The following C2CD5 variants were observed in gnomAD, a reference collection of about 807,000 sequenced individuals.
The protein encoded by C2CD5 is C2 calcium dependent domain containing 5.
C2CD5 carries 109 observed loss-of-function variants against 130.3 expected under a neutral mutation model. That is an observed-to-expected ratio of 0.84 (90% CI 0.72 to 0.98). The LOEUF is 0.98. C2CD5 is among the 50% of genes least tolerant of loss of function. C2CD5 has a pLI of 0.00. For synonymous variants in C2CD5, 454 were observed against 429.2 expected (o/e 1.06, Z -0.71); for missense variants, 996 against 1,261.8 (o/e 0.79, Z 3.19).
At chr12:22,472,691 A>G in intron 17 of C2CD5, 53 bp downstream of exon 17, 1 of 992,716 alleles carries the variant, frequency 1.0e-6, no homozygotes, top group Admixed American at 1.7e-5. Flanking sequence ...ATTATGAGCT[A>G]AAACATTTAT....
At chr12:22,505,684 C>T (rs564580244) in intron 10 of C2CD5, among the ~76,000 whole-genome samples, 7 of 152,046 alleles carry the variant, frequency 4.6e-5, no homozygotes, top group South Asian at 2.1e-4. Flanking sequence ...TTATTTTAGA[C>T]GTAGAAAAAT....
chr12:22,459,006 A>G (rs1165779470), intron 23 of C2CD5: 1 of 156,714 alleles, frequency 6.4e-6, no homozygotes, highest in Admixed American at 6.5e-5. Flanking sequence ...AATTTTAAAA[A>G]AAGAGAATCA....
chr12:22,462,269 T>C (rs940325850), intron 22 of C2CD5, among the ~76,000 whole-genome samples: 7 of 152,252 alleles, frequency 4.6e-5, no homozygotes, highest in Non-Finnish European at 8.8e-5. Flanking sequence ...TAGATCTATA[T>C]GGAAGAGTCT....
rs139774626 is a variant in C2CD5 at position 22,473,285 on chromosome 12, A to C, written c.2044-478T>G. On this transcript the variant is annotated intron_variant, in intron 16 of 26. Transcript: ENST00000446597. ...TACATCACCATATTCCACTGTGAAT[A>C]ATAAATAGGGAAACTATCCAGCTGG... 1.1e-3 allele frequency among the ~76,000 whole-genome samples: 164 copies of C among 152,278 alleles called. 1 individual carries two copies. Among genetic ancestry groups the C allele is most frequent in the African/African-American group, 3.6e-3 (150 of 41,568 alleles).
At chr12:22,540,968 A>G (rs1952316946) in intron 2 of C2CD5, among the ~76,000 whole-genome samples, 1 of 152,248 alleles carries the variant, frequency 6.6e-6, no homozygotes, top group Non-Finnish European at 1.5e-5. Flanking sequence ...ATATCATGCC[A>G]GGATAGAAAG....
chr12:22,503,753 C>A lies in C2CD5; in HGVS notation c.1147+2958G>T, dbSNP rs1948112912. 2.6e-5 allele frequency among the ~76,000 whole-genome samples: 4 copies of A among 152,198 alleles called. 1 individual carries two copies. In the South Asian group the frequency reaches 8.3e-4, roughly 31 times the overall value. On this transcript the variant is annotated intron_variant, in intron 10 of 26. Coordinates refer to ENST00000446597, the MANE Select transcript of C2CD5 (RefSeq NM_001286176.2). ...TCTCAAACCCCTGAGCTCATGCGATCTGCCCGCCTTGGCCTCCCAAAATGT... is the reference window on the plus strand; with the variant it reads ...TCTCAAACCCCTGAGCTCATGCGATATGCCCGCCTTGGCCTCCCAAAATGT...
chr12:22,453,909 G>C lies in C2CD5; in HGVS notation c.3011C>G (p.Pro1004Arg). ...ACTGCATCTTACCTGGTTTTTATTT[G>C]GATTCTCCATGAAGACACACTGCTT... Reference protein sequence around the residue: ...IMKQCVFMENPNKNQAQCLIN... With the variant: ...IMKQCVFMENRNKNQAQCLIN... The change falls in exon 26 of 27, where the codon CCA becomes CGA. Residue 1004 changes from proline to arginine, a missense_variant. This residue lies in a region of C2CD5 where 51 missense variants were observed against 99.5 expected (regional missense o/e 0.51). Transcript: ENST00000446597. 1 of 1,610,232 alleles carries C rather than the reference G, an allele frequency of 6.2e-7. No individual in the cohort carries two copies. The highest frequency in any genetic ancestry group is 1.1e-5 in the South Asian group (1 of 90,112).
intron 3 of C2CD5, among the ~76,000 whole-genome samples, chr12:22,532,311 C>T (rs577484392): frequency 4.0e-5 from 6 of 148,354 alleles, no homozygotes; most frequent in East Asian, 3.9e-4. Context: ...GCCTGGGCAA[C>T]GGGAGTGAAA....
intron 25 of C2CD5, among the ~76,000 whole-genome samples, chr12:22,454,634 T>C (rs1939448697): frequency 6.6e-6 from 1 of 151,792 alleles, no homozygotes; most frequent in Non-Finnish European, 1.5e-5. Flanking sequence ...TATAATGTCT[T>C]CCGAGATACC....
intron 10 of C2CD5, among the ~76,000 whole-genome samples, chr12:22,503,709 AC>A (rs1254995526): frequency 6.6e-6 from 1 of 152,078 alleles, no homozygotes; most frequent in Non-Finnish European, 1.5e-5. Flanking sequence ...AGAGGGTTTC[AC>A]CATGCTGCCC....
At position 22,471,471 on chromosome 12, in the gene C2CD5, T is replaced by A. The variant is rs770300669; in HGVS notation, c.2286A>T (p.Leu762=). ...AAAGGCAGCAGGGGATCATAGATCG[T>A]AGTTTAAAGTACAGGCTCTACACAA... ...ENLLKSLYFK[L]RSMIPCCLCH... The change falls in exon 20 of 27, where the codon CTA becomes CTT. Residue 762 remains leucine, a synonymous_variant. Coordinates refer to ENST00000446597, the MANE Select transcript of C2CD5 (RefSeq NM_001286176.2). 10 of 1,594,328 alleles carry A rather than the reference T, an allele frequency of 6.3e-6. No homozygotes were observed. Among genetic ancestry groups the A allele is most frequent in the Admixed American group, 5.0e-5 (3 of 59,806 alleles).
chr12:22,482,243 T>C (rs1018104821), intron 14 of C2CD5, among the ~76,000 whole-genome samples: 2 of 152,172 alleles, frequency 1.3e-5, no homozygotes, highest in Non-Finnish European at 2.9e-5. Context: ...CCTGCCCTAG[T>C]ACTGAGATGG....
chr12:22,526,901 C>A (rs570199565), intron 4 of C2CD5, among the ~76,000 whole-genome samples: 39 of 152,270 alleles, frequency 2.6e-4, no homozygotes, highest in African/African-American at 9.4e-4. Flanking sequence ...GAAAGCAAAT[C>A]CCAGCACTCT....
intron 23 of C2CD5, 75 bp downstream of exon 23, chr12:22,459,417 T>C (rs1940650687): frequency 1.1e-6 from 1 of 932,084 alleles, no homozygotes; most frequent in Non-Finnish European, 1.7e-6. Context: ...TTTTCTTCAA[T>C]GTCTATAATT....
chr12:22,501,707 G>A (rs1019509636), intron 10 of C2CD5, among the ~76,000 whole-genome samples: 2 of 151,930 alleles, frequency 1.3e-5, no homozygotes, highest in South Asian at 4.1e-4. Flanking sequence ...TGTAAATGTT[G>A]GACTTATCAT....
At position 22,513,323 on chromosome 12, in the gene C2CD5, G is replaced by T; in HGVS notation, c.1009C>A (p.Gln337Lys). ...TGTTCCAACGCTGATTGAGTCTGTT[G>T]TCTTAAAAGAGCTTTAAAGGGCCCC... ...EGGPFKALLRQQTQSALEQRE... is the reference protein window; with the variant it reads ...EGGPFKALLRKQTQSALEQRE... Residue 337 changes from glutamine to lysine, a missense_variant, in exon 9 of 27, where the codon CAA (glutamine) becomes AAA (lysine). Gln to Lys is a moderately conservative substitution (Grantham distance 53). Coordinates refer to ENST00000446597, the MANE Select transcript of C2CD5 (RefSeq NM_001286176.2). 1 of 1,611,596 alleles carries T rather than the reference G, an allele frequency of 6.2e-7. No individual in the cohort carries two copies. Among genetic ancestry groups the T allele is most frequent in the Non-Finnish European group, 8.5e-7 (1 of 1,177,890 alleles).
chr12:22,544,173 T>A lies in C2CD5; in HGVS notation c.-23A>T. 6.2e-7 allele frequency: 1 copy of A among 1,611,098 alleles called. No homozygotes were observed. The highest frequency in any genetic ancestry group is 8.5e-7 in the Non-Finnish European group (1 of 1,177,360). ...CATGGTCTCGGTTTCGGCCTCTTCT[T>A]GGGCTCCTGCAGAAACAAACAAACG... On this transcript the variant is annotated 5_prime_UTR_variant, in exon 2 of 27. Transcript: ENST00000446597.
In C2CD5 at chr12:22,490,189, C is replaced by T; in HGVS notation, c.1292G>A (p.Gly431Asp). The part of the protein sequence containing the change: ...CEEVCILSAS[G>D]TAAVLNPRFL... ...TCTAGGATTCAGTACAGCCGCTGTG[C>T]CAGATGCAGATAAAATGCAGACCTC... is the stretch of plus-strand genomic sequence containing the variant. The change falls in exon 12 of 27, where the codon GGC becomes GAC. Residue 431 changes from glycine to aspartate, a missense_variant. Coordinates refer to ENST00000446597, the MANE Select transcript of C2CD5 (RefSeq NM_001286176.2). 1 of 1,613,034 alleles carries T rather than the reference C, an allele frequency of 6.2e-7. No homozygotes were observed. Among genetic ancestry groups the T allele is most frequent in the Non-Finnish European group, 8.5e-7 (1 of 1,179,288 alleles).
chr12:22,535,247 T>G lies in C2CD5; in HGVS notation c.177+11A>C. 1 of 1,505,698 alleles carries G rather than the reference T, an allele frequency of 6.6e-7. No homozygotes were observed. The highest frequency in any genetic ancestry group is 2.3e-5 in the East Asian group (1 of 44,272). The allele number at this position is 1,505,698 out of a possible 1,614,324, so 93.3% of individuals were successfully genotyped here. The stretch of plus-strand genomic sequence containing the variant: ...AAATACACTCAAAAATGCTGACATT[T>G]AAAAACTTACCTCAAATTTAAACCA... On this transcript the variant is annotated intron_variant, in intron 3 of 26. Coordinates refer to ENST00000446597, the MANE Select transcript of C2CD5 (RefSeq NM_001286176.2).
Sources: gnomAD v4.1 joint callset for allele counts (sites outside exome capture counted in the v4.1 genomes callset) on GRCh38, gnomAD v4.1.1 for gene constraint, gnomAD v4.1.1 regional missense constraint, MANE v1.5 for transcripts, NCBI Gene and HGNC (gene_info 2026-07-23, HGNC 2026-07-21) for gene names.